Variants in AEBP2 observed in about 807,000 individuals in gnomAD.
AEBP2 encodes the protein zinc finger protein AEBP2.
In AEBP2, 10 loss-of-function variants were observed where a neutral mutation model predicts 50.8. That is an observed-to-expected ratio of 0.20 (90% confidence interval 0.12 to 0.33). The LOEUF (loss-of-function observed/expected upper bound fraction) is 0.33. Ranked by LOEUF, AEBP2 falls within the 10% of genes least tolerant of loss-of-function variation. AEBP2 has a pLI of 1.00. For missense variants in AEBP2, 570 were observed against 688.0 expected (o/e 0.83, Z 1.92); for synonymous variants, 296 against 261.3 (o/e 1.13, Z -1.28).
Position 19,457,322 on chromosome 12 carries a change from C to T in AEBP2, c.672-5188C>T, listed in dbSNP as rs574964737. 93 of 1,509,860 alleles carry T rather than the reference C, an allele frequency of 6.2e-5. No individual in the cohort carries two copies. In the South Asian group the frequency reaches 1.0e-3, roughly 17 times the overall value. 93.5% of individuals were successfully genotyped at this position (1,509,860 alleles called of 1,614,324 possible). On this transcript the variant is annotated intron_variant, in intron 1 of 7. Coordinates refer to ENST00000266508, the MANE Select transcript of AEBP2 (RefSeq NM_153207.5). ...ACAGCACAGTCAGCCTGAGATGTCC[C>T]TGTAATCATGTTTTTGATGAAGTCT...
chr12:19,441,449 AT>A (rs1165747422), intron 1 of AEBP2, among the ~76,000 whole-genome samples: 3 of 152,024 alleles, frequency 2.0e-5, no homozygotes, highest in Non-Finnish European at 2.9e-5. Flanking sequence ...TGACAATCAC[AT>A]TTTTTTTAAA....
At position 19,518,960 on chromosome 12, in the gene AEBP2, GAA is replaced by G. The variant is rs1342997181; in HGVS notation, c.*845_*846del. 1.1e-5 allele frequency: 3 copies of G among 274,778 alleles called. No homozygotes were observed. Among genetic ancestry groups the G allele is most frequent in the Non-Finnish European group, 2.0e-5 (3 of 149,200 alleles). 17.0% of individuals were successfully genotyped at this position (274,778 alleles called of 1,614,324 possible). ...ATATGACTCTAATTTTTTTTCTGAG[GAA>G]ATCATTTGGTTTTTGAGTTGTTTTT... On this transcript the variant is annotated 3_prime_UTR_variant, in exon 8 of 8. Coordinates refer to ENST00000266508, the MANE Select transcript of AEBP2 (RefSeq NM_153207.5).
intron 3 of AEBP2, among the ~76,000 whole-genome samples, chr12:19,475,951 A>G (rs1000639382): frequency 1.3e-5 from 2 of 152,066 alleles, no homozygotes; most frequent in Admixed American, 6.6e-5. Flanking sequence ...ATAGTTTGCA[A>G]ATATTTTCTC....
At chr12:19,459,443 G>T (rs1948332490) in intron 1 of AEBP2, among the ~76,000 whole-genome samples, 3 of 152,140 alleles carry the variant, frequency 2.0e-5, no homozygotes, top group African/African-American at 7.2e-5. Context: ...GTGTTAGCCA[G>T]GCTGGTCTCG....
intron 5 of AEBP2, among the ~76,000 whole-genome samples, chr12:19,501,524 T>G (rs1173086106): frequency 6.6e-6 from 1 of 151,858 alleles, no homozygotes; most frequent in Non-Finnish European, 1.5e-5. Context: ...GTAGTCCCAG[T>G]TACCCAGGAG....
chr12:19,493,762 A>T lies in AEBP2; in HGVS notation c.988-38A>T, dbSNP rs769154820. ...TTGATATTCTTCTCGTGCCCTACAC[A>T]GCATGCCTGACGTTATTTCTGTTTT... On this transcript the variant is annotated intron_variant, in intron 3 of 7. Transcript: ENST00000266508. 37 of 1,596,234 alleles carry T rather than the reference A, an allele frequency of 2.3e-5. No homozygotes were observed. The South Asian group carries it at 3.8e-4, about 16-fold the overall frequency.
At chr12:19,427,328 C>G (rs749273619) in intron 1 of AEBP2, among the ~76,000 whole-genome samples, 1 of 144,420 alleles carries the variant, frequency 6.9e-6, no homozygotes, top group Non-Finnish European at 1.5e-5. Flanking sequence ...TGCAGTGAGC[C>G]GAGAATGTGC....
chr12:19,490,939 T>C (rs1948887893), intron 3 of AEBP2, among the ~76,000 whole-genome samples: 1 of 152,222 alleles, frequency 6.6e-6, no homozygotes, highest in African/African-American at 2.4e-5. Context: ...TTCCACTGAA[T>C]TGTACACTTT....
intron 5 of AEBP2, chr12:19,509,129 A>C: frequency 1.9e-6 from 1 of 522,348 alleles, no homozygotes; most frequent in South Asian, 2.4e-5. Flanking sequence ...ACATGTCAGC[A>C]GGGCCTGTGG....
At chr12:19,511,270 TG>T (rs1303120728) in intron 5 of AEBP2, among the ~76,000 whole-genome samples, 1 of 152,210 alleles carries the variant, frequency 6.6e-6, no homozygotes, top group African/African-American at 2.4e-5. Context: ...ATATGATAAC[TG>T]TTCTTCTGTA....
In AEBP2 at chr12:19,522,114, A is replaced by G. The variant is rs1949406665; in HGVS notation, c.*3997A>G. ...GGACATTTTGGGGATTTTGGTTAAA[A>G]CATATTTCTCTATTCTAAAAATTAC... On this transcript the variant is annotated 3_prime_UTR_variant, in exon 8 of 8. Coordinates refer to ENST00000266508, the MANE Select transcript of AEBP2 (RefSeq NM_153207.5). 6.6e-6 allele frequency: 1 copy of G among 152,060 alleles called. No individual in the cohort carries two copies. 9.4% of individuals were successfully genotyped at this position (152,060 alleles called of 1,614,324 possible).
At chr12:19,504,282 T>C (rs946334207) in intron 5 of AEBP2, among the ~76,000 whole-genome samples, 1 of 151,668 alleles carries the variant, frequency 6.6e-6, no homozygotes, top group Non-Finnish European at 1.5e-5. Flanking sequence ...TCGCCCAGGC[T>C]GGAGTGCAGT....
chr12:19,488,981 G>A (rs1948856971), intron 3 of AEBP2, among the ~76,000 whole-genome samples: 3 of 152,188 alleles, frequency 2.0e-5, no homozygotes, highest in Non-Finnish European at 4.4e-5. Context: ...TAGAGGCGTG[G>A]TTTCACCAAG....
chr12:19,504,730 A>C (rs946963070), intron 5 of AEBP2, among the ~76,000 whole-genome samples: 3 of 152,190 alleles, frequency 2.0e-5, no homozygotes, highest in Admixed American at 6.5e-5. Flanking sequence ...TGTGTTGCCA[A>C]TTTATTGACA....
upstream of AEBP2, among the ~76,000 whole-genome samples, chr12:19,435,921 CT>C (rs1947854410): frequency 6.6e-6 from 1 of 152,116 alleles, no homozygotes; most frequent in Non-Finnish European, 1.5e-5. Flanking sequence ...ATGCTGAGTA[CT>C]TTTGTCAGAG....
chr12:19,456,845 AG>A, intron 1 of AEBP2: 1 of 1,540,384 alleles, frequency 6.5e-7, no homozygotes, highest in Non-Finnish European at 9.0e-7. Context: ...CTCGGCCAAC[AG>A]GAACAGTACC....
intron 1 of AEBP2, among the ~76,000 whole-genome samples, chr12:19,409,350 T>TAAA (rs11291593): frequency 6.8e-6 from 1 of 147,136 alleles, no homozygotes. Context: ...GCATTTGTGC[T>TAAA]AAAAAAAAAA....
chr12:19,405,956 C>T (rs1307984825), intron 1 of AEBP2, among the ~76,000 whole-genome samples: 1 of 145,958 alleles, frequency 6.9e-6, no homozygotes, highest in Non-Finnish European at 1.5e-5. Context: ...TGTGCACCAC[C>T]ATGCCTGGCC....
At chr12:19,501,797 G>GTTTTTTTTTTTT (rs754195220) in intron 5 of AEBP2, among the ~76,000 whole-genome samples, 36 of 70,902 alleles carry the variant, frequency 5.1e-4, no homozygotes, top group East Asian at 9.8e-4. Flanking sequence ...AAATGAGTTT[G>GTTTTTTTTTTTT]TTTTTTTTTT....
Sources: allele counts gnomAD v4.1 joint callset (sites outside exome capture counted in the v4.1 genomes callset), GRCh38; gene constraint gnomAD v4.1.1; transcripts MANE v1.5; gene names NCBI Gene and HGNC (gene_info 2026-07-23, HGNC 2026-07-21).